ARID5B: variants seen among roughly 807,000 people sequenced by gnomAD.
The protein encoded by ARID5B is AT-rich interaction domain 5B, also known as AT-rich interactive domain-containing protein 5B.
A neutral mutation model predicts 97.2 loss-of-function variants in ARID5B; 13 were observed. The ratio of observed to expected loss-of-function variants is 0.13; its 90% CI spans 0.09 to 0.21. The LOEUF (loss-of-function observed/expected upper bound fraction) is 0.21, where lower values mean the gene tolerates loss of function less well. Among genes scored for constraint, ARID5B ranks in the 10% least tolerant of loss-of-function variants. ARID5B has a pLI of 1.00. For synonymous variants in ARID5B, 556 were observed against 570.3 expected, an observed-to-expected ratio of 0.97 and a Z score of 0.36; for missense variants, 1,210 against 1,465.3, an observed-to-expected ratio of 0.83 and a Z score of 2.84.
intron 3 of ARID5B, among the ~76,000 whole-genome samples, chr10:61,968,035 G>T (rs189283149): frequency 1.3e-5 from 2 of 150,524 alleles, no homozygotes; most frequent in East Asian, 3.9e-4. Flanking sequence ...TTGAAAATGC[G>T]CATTTTCTTA....
Position 62,095,558 on chromosome 10 carries a change from A to ACTGTTT in ARID5B, c.*2533_*2538dup, listed in dbSNP as rs1317083722. 4.3e-6 allele frequency: 1 copy of ACTGTTT among 233,370 alleles called. No individual in the cohort carries two copies. Among genetic ancestry groups the ACTGTTT allele is most frequent in the Non-Finnish European group, 8.5e-6 (1 of 117,946 alleles). 14.5% of individuals were successfully genotyped at this position (233,370 alleles called of 1,614,324 possible). A position where few individuals can be genotyped will look rare whatever the true frequency, so the allele number is the denominator to read the frequency against. The stretch of plus-strand genomic sequence containing the variant: ...TCTCATCTCTTCTGAGAGGAGACTC[A>ACTGTTT]CTGTTTCTGTCTGAGGAAGCTCATA... On this transcript the variant is annotated 3_prime_UTR_variant, in exon 10 of 10. Coordinates refer to ENST00000279873, the MANE Select transcript of ARID5B (RefSeq NM_032199.3).
chr10:61,937,821 T>C (rs964213754), intron 2 of ARID5B, among the ~76,000 whole-genome samples: 5 of 152,218 alleles, frequency 3.3e-5, no homozygotes, highest in Admixed American at 2.0e-4. Flanking sequence ...CACAAAGTAA[T>C]GTTTCCTGAG....
Position 61,940,138 on chromosome 10 carries a change from AC to A in ARID5B, c.277-43del, listed in dbSNP as rs765993508. The stretch of plus-strand genomic sequence containing the variant: ...GTGGAGAGTGGATCATTTCCCTCAA[AC>A]CTATAAATAACGTTTTTTGTTCTTC... On this transcript the variant is annotated intron_variant, in intron 2 of 9. Transcript: ENST00000279873. 3.8e-6 allele frequency: 6 copies of A among 1,587,406 alleles called. No homozygotes were observed. In the African/African-American group the frequency reaches 8.1e-5, roughly 21 times the overall value.
chr10:62,090,158 A>C (rs1440831012), intron 9 of ARID5B, among the ~76,000 whole-genome samples: 1 of 152,234 alleles, frequency 6.6e-6, no homozygotes, highest in Non-Finnish European at 1.5e-5. Flanking sequence ...CTGAATTTTG[A>C]CAACTTCATT....
intron 4 of ARID5B, among the ~76,000 whole-genome samples, chr10:62,036,325 G>C (rs1437947726): frequency 6.6e-6 from 1 of 152,104 alleles, no homozygotes; most frequent in East Asian, 1.9e-4. Flanking sequence ...ATTTCTTCTT[G>C]ATCCCAGAGG....
At chr10:61,953,931 G>T (rs1018241417) in intron 3 of ARID5B, among the ~76,000 whole-genome samples, 9 of 152,074 alleles carry the variant, frequency 5.9e-5, no homozygotes, top group African/African-American at 2.2e-4. Context: ...GATTACAGTA[G>T]TATGTTATTT....
chr10:62,024,831 T>C (rs971172982), intron 4 of ARID5B: 2 of 371,622 alleles, frequency 5.4e-6, no homozygotes, highest in East Asian at 3.7e-5. Flanking sequence ...GGTTCTGAAA[T>C]GGCTTGGAAA....
At chr10:61,929,448 TATG>T (rs1477944624) in intron 2 of ARID5B, among the ~76,000 whole-genome samples, 1 of 152,218 alleles carries the variant, frequency 6.6e-6, no homozygotes, top group Non-Finnish European at 1.5e-5. Context: ...TACAACACAG[TATG>T]ATAAGAAAAG....
At chr10:62,019,268 T>C (rs1196382515) in intron 4 of ARID5B, among the ~76,000 whole-genome samples, 1 of 152,242 alleles carries the variant, frequency 6.6e-6, no homozygotes, top group Non-Finnish European at 1.5e-5. Flanking sequence ...TTCCAATGAC[T>C]GTTTATCATG....
At chr10:62,043,820 G>A (rs959716971) in intron 4 of ARID5B, among the ~76,000 whole-genome samples, 10 of 152,186 alleles carry the variant, frequency 6.6e-5, no homozygotes, top group Non-Finnish European at 1.3e-4. Flanking sequence ...AACAGAGTGA[G>A]TAAGACTGGG....
chr10:61,991,240 A>C (rs1160364063), intron 3 of ARID5B, among the ~76,000 whole-genome samples: 2 of 152,202 alleles, frequency 1.3e-5, no homozygotes, highest in African/African-American at 2.4e-5. Flanking sequence ...TCACATGGCA[A>C]TTCTGTATAT....
intron 2 of ARID5B, among the ~76,000 whole-genome samples, chr10:61,916,358 T>A (rs771917446): frequency 3.3e-5 from 5 of 152,170 alleles, no homozygotes; most frequent in Non-Finnish European, 7.3e-5. Flanking sequence ...CGCACTATAG[T>A]GGCAGAGTTG....
intron 2 of ARID5B, among the ~76,000 whole-genome samples, chr10:61,903,606 G>A (rs537078764): frequency 7.9e-5 from 12 of 152,360 alleles, no homozygotes; most frequent in African/African-American, 2.4e-4. Context: ...CTAGTGCTGT[G>A]CCAGGCTCTC....
chr10:62,092,047 T>C lies in ARID5B; in HGVS notation c.2584T>C (p.Tyr862His), dbSNP rs1230927713. The C allele has an allele frequency of 1.2e-6, 2 of 1,614,144 alleles. No homozygotes were observed. The change falls in exon 10 of 10, where the codon TAC (tyrosine) becomes CAC (histidine). Residue 862 changes from tyrosine (Y) to histidine (H), a missense_variant. Around this residue, in one of 8 missense-constraint regions of ARID5B, gnomAD observed 800 missense variants for 839.1 expected, o/e 0.95. Transcript: ENST00000279873. ...QTSKYPSRDM[Y>H]RESENSSFPS... ...ATCCAAATACCCTTCCAGGGACATG[T>C]ACAGGGAATCGGAAAACAGTTCTTT...
At chr10:61,904,242 G>A (rs1244441331) in intron 2 of ARID5B, among the ~76,000 whole-genome samples, 1 of 152,126 alleles carries the variant, frequency 6.6e-6, no homozygotes, top group Non-Finnish European at 1.5e-5. Flanking sequence ...AAATTATTCA[G>A]TGTTTTATGG....
rs112935148 is a variant in ARID5B at position 62,027,072 on chromosome 10, C to T, written c.734-23816C>T. The stretch of plus-strand genomic sequence containing the variant: ...TGGGGTAAGAAGGCTCTTGACAGGA[C>T]GGGCAGCCAGGGTTAGTTTCACCAC... On this transcript the variant is annotated intron_variant, in intron 4 of 9. Coordinates refer to ENST00000279873, the MANE Select transcript of ARID5B (RefSeq NM_032199.3). Among the ~76,000 whole-genome samples, 1,454 of 152,088 alleles carry T rather than the reference C, an allele frequency of 9.6e-3. 26 individuals carry two copies. The highest frequency in any genetic ancestry group is 0.033 in the African/African-American group (1,380 of 41,450).
At chr10:62,076,641 G>C (rs1367023379) in intron 8 of ARID5B, among the ~76,000 whole-genome samples, 1 of 151,336 alleles carries the variant, frequency 6.6e-6, no homozygotes, top group African/African-American at 2.4e-5. Context: ...GATCAAAGAA[G>C]GAAGAGAGAA....
intron 2 of ARID5B, among the ~76,000 whole-genome samples, chr10:61,911,332 G>T (rs971620759): frequency 1.1e-4 from 16 of 152,164 alleles, no homozygotes; most frequent in Non-Finnish European, 2.2e-4. Flanking sequence ...TGTGCTGCTT[G>T]TCCCTTAATC....
intron 3 of ARID5B, among the ~76,000 whole-genome samples, chr10:61,999,267 C>T: frequency 6.6e-6 from 1 of 152,228 alleles, no homozygotes. Context: ...AGGCTCCAAG[C>T]ACTGAAAAGA....
Sources: gnomAD v4.1 joint callset for allele counts (sites outside exome capture counted in the v4.1 genomes callset) on GRCh38, gnomAD v4.1.1 for gene constraint, gnomAD v4.1.1 regional missense constraint, MANE v1.5 for transcripts, NCBI Gene and HGNC (gene_info 2026-07-23, HGNC 2026-07-21) for gene names.